Variants in MAP3K4 observed in about 807,000 individuals in gnomAD.
MAP3K4 encodes MAP three kinase 1.
MAP3K4 carries 67 observed loss-of-function variants against 185.6 expected under a neutral mutation model. That is an observed-to-expected ratio of 0.36 (90% CI 0.30 to 0.44). MAP3K4 has a LOEUF of 0.44. Ranked by LOEUF, MAP3K4 falls within the 20% of genes least tolerant of loss-of-function variation. The pLI is 1.00. For synonymous variants in MAP3K4, 702 were observed against 710.4 expected (o/e 0.99, Z 0.19); for missense variants, 1,551 against 1,995.1 (o/e 0.78, Z 4.24).
At chr6:161,044,288 A>G (rs557095826) in intron 2 of MAP3K4, among the ~76,000 whole-genome samples, 33 of 152,312 alleles carry the variant, frequency 2.2e-4, no homozygotes, top group African/African-American at 7.0e-4. Context: ...AACATTCTAT[A>G]TAGCTAACTC....
chr6:161,102,714 G>T lies in MAP3K4; in HGVS notation c.3791G>T (p.Arg1264Ile). 1 of 1,590,098 alleles carries T rather than the reference G, an allele frequency of 6.3e-7. No homozygotes were observed. Reference sequence around the variant, plus strand: ...CTTCCTGCAGAACCAGCATATCCAAGAGGAGATTCAAGTGGGTCCACAAGA... The same window carrying T: ...CTTCCTGCAGAACCAGCATATCCAATAGGAGATTCAAGTGGGTCCACAAGA... Reference protein sequence around the residue: ...TEERDEPAYPRGDSSGSTRRS... With the variant: ...TEERDEPAYPIGDSSGSTRRS... The change falls in exon 19 of 27, where the codon AGA (arginine) becomes ATA (isoleucine). Residue 1264 changes from arginine to isoleucine, a missense_variant. This residue lies in a region of MAP3K4 where 272 missense variants were observed against 301.2 expected (regional missense o/e 0.90). Transcript: ENST00000392142.
rs571007910 is a variant in MAP3K4 at position 161,048,221 on chromosome 6, G to C, written c.344-395G>C. On this transcript the variant is annotated intron_variant, in intron 2 of 26. Coordinates refer to ENST00000392142, the MANE Select transcript of MAP3K4 (RefSeq NM_005922.4). This position sits in a 1 kb window ranked among gnomAD's most constrained non-coding sequence, Gnocchi z 4.7. ...CACATTTAGCTAATGACAAATGCAG[G>C]AATTAAATATATTTTCTCATCCAGG... is the stretch of plus-strand genomic sequence containing the variant. The C allele has an allele frequency of 2.4e-5, 13 of 532,530 alleles. No individual in the cohort carries two copies. Among genetic ancestry groups the C allele is most frequent in the Admixed American group, 2.0e-4 (10 of 50,980 alleles). 33.0% of individuals were successfully genotyped at this position (532,530 alleles called of 1,614,324 possible).
At position 161,114,288 on chromosome 6, in the gene MAP3K4, G is replaced by A. The variant is rs114506196; in HGVS notation, c.4627-835G>A. Among the ~76,000 whole-genome samples the A allele has an allele frequency of 6.7e-3, 1,019 of 152,178 alleles. 8 individuals are homozygous for A. The highest frequency in any genetic ancestry group is 0.023 in the African/African-American group (961 of 41,502). ...CAGTTATACAAATGTAAAAAGACACGCATGAACTGCACATGGTAGCTTACC... is the reference window on the plus strand; with the variant it reads ...CAGTTATACAAATGTAAAAAGACACACATGAACTGCACATGGTAGCTTACC... On this transcript the variant is annotated intron_variant, in intron 25 of 26. Coordinates refer to ENST00000392142, the MANE Select transcript of MAP3K4 (RefSeq NM_005922.4). This position sits in a 1 kb window ranked among gnomAD's most constrained non-coding sequence, Gnocchi z 4.3.
At position 161,049,660 on chromosome 6, in the gene MAP3K4, A is replaced by G; in HGVS notation, c.1388A>G (p.Glu463Gly). The change falls in exon 3 of 27, where the codon GAA becomes GGA. Residue 463 changes from glutamate to glycine, a missense_variant. Physicochemically the swap from Glu to Gly is moderately conservative, Grantham distance 98. Around this residue, in one of 16 missense-constraint regions of MAP3K4, gnomAD observed 126 missense variants for 112.8 expected, o/e 1.12. Coordinates refer to ENST00000392142, the MANE Select transcript of MAP3K4 (RefSeq NM_005922.4). This position sits in a 1 kb window ranked among gnomAD's most constrained non-coding sequence, Gnocchi z 8.4. ...ELESSTDESE[E>G]EQISDPRVPE... Reference sequence around the variant, plus strand: ...GAAAGTAGTACGGATGAGAGTGAAGAAGAACAAATCTCTGATCCTAGGGTA... The same window carrying G: ...GAAAGTAGTACGGATGAGAGTGAAGGAGAACAAATCTCTGATCCTAGGGTA... 6.2e-7 allele frequency: 1 copy of G among 1,614,160 alleles called. No individual in the cohort carries two copies. The highest frequency in any genetic ancestry group is 1.1e-5 in the South Asian group (1 of 91,086).
chr6:161,002,868 G>A (rs1781394150), intron 1 of MAP3K4, among the ~76,000 whole-genome samples: 1 of 152,128 alleles, frequency 6.6e-6, no homozygotes, highest in African/African-American at 2.4e-5. Context: ...TGGGATTACA[G>A]GCGTGAGCTC....
In MAP3K4 at chr6:161,112,328, C is replaced by T. The variant is rs758760773; in HGVS notation, c.4520-340C>T. ...TCGTTGGCTGCCTGCCTGTCCACTA[C>T]CTTGTCTAAACAACACTATGATTAA... is the stretch of plus-strand genomic sequence containing the variant. On this transcript the variant is annotated intron_variant, in intron 24 of 26. Coordinates refer to ENST00000392142, the MANE Select transcript of MAP3K4 (RefSeq NM_005922.4). This position sits in a 1 kb window ranked among gnomAD's most constrained non-coding sequence, Gnocchi z 5.1. Among the ~76,000 whole-genome samples the T allele has an allele frequency of 2.6e-5, 4 of 152,210 alleles. No individual in the cohort carries two copies. Among genetic ancestry groups the T allele is most frequent in the Non-Finnish European group, 5.9e-5 (4 of 68,038 alleles).
At chr6:161,040,247 A>G (rs1014311851) in intron 2 of MAP3K4, among the ~76,000 whole-genome samples, 4 of 152,166 alleles carry the variant, frequency 2.6e-5, no homozygotes, top group African/African-American at 7.2e-5. Context: ...GGTTGAATGC[A>G]TAAGGCCAGT....
chr6:160,999,913 C>A (rs908735473), intron 1 of MAP3K4, among the ~76,000 whole-genome samples: 5 of 152,136 alleles, frequency 3.3e-5, no homozygotes, highest in Non-Finnish European at 4.4e-5. Flanking sequence ...TCATCCACAA[C>A]GTTTTTCCCC....
rs1777317408 is a variant in MAP3K4, at chr6:161,091,647, TAATC to T, written c.3135+110_3135+113del. On this transcript the variant is annotated intron_variant, in intron 12 of 26. Coordinates refer to ENST00000392142, the MANE Select transcript of MAP3K4 (RefSeq NM_005922.4). This position sits in a 1 kb window ranked among gnomAD's most constrained non-coding sequence, Gnocchi z 5.5. ...TAAATCTGATATTGTAATCATAGCT[TAATC>T]AAGAATATCATCTTATATCACTGCT... 4 of 950,694 alleles carry T rather than the reference TAATC, an allele frequency of 4.2e-6. No homozygotes were observed. In the South Asian group the frequency reaches 5.0e-5, roughly 12 times the overall value. 58.9% of individuals were successfully genotyped at this position (950,694 alleles called of 1,614,324 possible).
chr6:161,099,807 T>A (rs1314551078), intron 17 of MAP3K4, among the ~76,000 whole-genome samples: 1 of 152,244 alleles, frequency 6.6e-6, no homozygotes, highest in Non-Finnish European at 1.5e-5. Context: ...AAGTTGGTGG[T>A]GTGGTACATT....
At chr6:161,015,511 C>G (rs1031655179) in intron 1 of MAP3K4, among the ~76,000 whole-genome samples, 1 of 152,108 alleles carries the variant, frequency 6.6e-6, no homozygotes, top group South Asian at 2.1e-4. Flanking sequence ...GAAGAATACT[C>G]GAGGCTGGGT....
chr6:161,042,987 C>T (rs904694525), intron 2 of MAP3K4, among the ~76,000 whole-genome samples: 4 of 151,732 alleles, frequency 2.6e-5, no homozygotes, highest in East Asian at 1.9e-4. Flanking sequence ...TGCATGCATG[C>T]GTGTGCCTAT....
At chr6:161,036,129 T>C (rs1276405746) in intron 2 of MAP3K4, among the ~76,000 whole-genome samples, 2 of 152,232 alleles carry the variant, frequency 1.3e-5, no homozygotes, top group Non-Finnish European at 2.9e-5. Context: ...GTTGTCCTGC[T>C]GGTCTGTGCG....
rs540846242 is a variant in MAP3K4, at chr6:161,056,721, A to C, written c.1707+6742A>C. 1.3e-5 allele frequency among the ~76,000 whole-genome samples: 2 copies of C among 152,188 alleles called. No homozygotes were observed. The highest frequency in any genetic ancestry group is 4.8e-5 in the African/African-American group (2 of 41,444). On this transcript the variant is annotated intron_variant, in intron 3 of 26. Coordinates refer to ENST00000392142, the MANE Select transcript of MAP3K4 (RefSeq NM_005922.4). The surrounding 1 kb of genome is among the most constrained non-coding windows in gnomAD (Gnocchi z 5.4). ...TTTAGCCTTTTATAGTCAAAACACT[A>C]TTCTCCAAAGTAACTTAGGTCAGCA... is the stretch of plus-strand genomic sequence containing the variant.
At chr6:161,010,696 T>G (rs952190759) in intron 1 of MAP3K4, among the ~76,000 whole-genome samples, 1 of 152,220 alleles carries the variant, frequency 6.6e-6, no homozygotes, top group Non-Finnish European at 1.5e-5. Context: ...TGTTAAATAC[T>G]CAAACACTAA....
chr6:161,039,456 C>T (rs530518904), intron 2 of MAP3K4, among the ~76,000 whole-genome samples: 1 of 152,088 alleles, frequency 6.6e-6, no homozygotes, highest in Non-Finnish European at 1.5e-5. Flanking sequence ...ATGTTATTAC[C>T]TCTGTAGGCT....
At chr6:161,002,030 G>A (rs1002078761) in intron 1 of MAP3K4, among the ~76,000 whole-genome samples, 1 of 148,238 alleles carries the variant, frequency 6.7e-6, no homozygotes, top group Non-Finnish European at 1.5e-5. Context: ...GTCTGCAGAA[G>A]CCATAGAAAT....
intron 1 of MAP3K4, among the ~76,000 whole-genome samples, chr6:161,025,609 T>A (rs1167903557): frequency 6.6e-6 from 1 of 152,222 alleles, no homozygotes; most frequent in Non-Finnish European, 1.5e-5. Context: ...AGCTCATCTG[T>A]CCCCTACAGA....
rs1361287211 is a variant in MAP3K4 at position 160,991,908 on chromosome 6, G to C, written c.-24G>C. 13 of 1,496,098 alleles carry C rather than the reference G, an allele frequency of 8.7e-6. No individual in the cohort carries two copies. The highest frequency in any genetic ancestry group is 8.0e-6 in the Non-Finnish European group (9 of 1,131,584). 92.7% of individuals were successfully genotyped at this position (1,496,098 alleles called of 1,614,324 possible). On this transcript the variant is annotated 5_prime_UTR_variant, in exon 1 of 27. Transcript: ENST00000392142. This position sits in a 1 kb window ranked among gnomAD's most constrained non-coding sequence, Gnocchi z 5.7. The stretch of plus-strand genomic sequence containing the variant: ...CAGGCTGCAGCTTACTGCCCGCCGC[G>C]GCCATGCGGGGCTCCGTGCACGGAT...
Sources: gnomAD v4.1 joint callset for allele counts (sites outside exome capture counted in the v4.1 genomes callset) on GRCh38, gnomAD v4.1.1 for gene constraint, gnomAD v4.1.1 regional missense constraint, Gnocchi (gnomAD v3.1) non-coding constraint, MANE v1.5 for transcripts, NCBI Gene and HGNC (gene_info 2026-07-23, HGNC 2026-07-21) for gene names.